PARD3: variants seen among roughly 807,000 people sequenced by gnomAD.
PARD3 encodes partitioning defective 3 homolog.
PARD3 carries 75 observed loss-of-function variants against 155.4 expected under a neutral mutation model. That is an observed-to-expected ratio of 0.48 (90% CI 0.40 to 0.58). The LOEUF (loss-of-function observed/expected upper bound fraction) is 0.58, where lower values mean the gene tolerates loss of function less well. Among genes scored for constraint, PARD3 ranks in the 20% least tolerant of loss-of-function variants. The pLI is 0.00. For synonymous variants in PARD3, 576 were observed against 610.5 expected, an observed-to-expected ratio of 0.94 and a Z score of 0.83; for missense variants, 1,642 against 1,721.7, an observed-to-expected ratio of 0.95 and a Z score of 0.82.
At chr10:34,515,826 T>C (rs537482899) in intron 3 of PARD3, among the ~76,000 whole-genome samples, 2 of 152,114 alleles carry the variant, frequency 1.3e-5, no homozygotes, top group East Asian at 3.9e-4. Flanking sequence ...TAATTATATA[T>C]ATATTTTATT....
chr10:34,375,475 T>C (rs1220907403), intron 10 of PARD3, among the ~76,000 whole-genome samples: 1 of 152,146 alleles, frequency 6.6e-6, no homozygotes, highest in Non-Finnish European at 1.5e-5. Flanking sequence ...GAAATTTTAC[T>C]GATAAATATA....
intron 2 of PARD3, among the ~76,000 whole-genome samples, chr10:34,593,402 T>C (rs1053135853): frequency 3.9e-5 from 6 of 152,200 alleles, no homozygotes; most frequent in African/African-American, 1.4e-4. Flanking sequence ...ATAAGTTCCA[T>C]GACAGACACA....
At chr10:34,797,424 T>C (rs1318770837) in intron 1 of PARD3, among the ~76,000 whole-genome samples, 1 of 152,136 alleles carries the variant, frequency 6.6e-6, no homozygotes, top group Non-Finnish European at 1.5e-5. Flanking sequence ...CGTGCTGGAA[T>C]TACAGGCGTG....
At chr10:34,630,982 C>T (rs12245844) in intron 2 of PARD3, among the ~76,000 whole-genome samples, 20,446 of 151,824 alleles carry the variant, frequency 0.13, 4,422 homozygotes, top group African/African-American at 0.46. Flanking sequence ...GCCTGGATAA[C>T]TGTTTAATTT....
At chr10:34,609,181 T>C (rs2090695647) in intron 2 of PARD3, among the ~76,000 whole-genome samples, 1 of 152,198 alleles carries the variant, frequency 6.6e-6, no homozygotes, top group Non-Finnish European at 1.5e-5. Context: ...AACTAACAAT[T>C]CTATTTAAAA....
chr10:34,719,003 G>A (rs1027181053), intron 1 of PARD3, among the ~76,000 whole-genome samples: 21 of 152,244 alleles, frequency 1.4e-4, no homozygotes, highest in African/African-American at 4.8e-4. Context: ...AATGCATGGT[G>A]TATTGGAACA....
chr10:34,728,926 G>T (rs747718488), intron 1 of PARD3, among the ~76,000 whole-genome samples: 11 of 152,064 alleles, frequency 7.2e-5, no homozygotes, highest in South Asian at 6.2e-4. Flanking sequence ...TTGTAATACC[G>T]TATTTCTACT....
At chr10:34,227,235 C>T (rs1952645166) in intron 22 of PARD3, among the ~76,000 whole-genome samples, 1 of 152,206 alleles carries the variant, frequency 6.6e-6, no homozygotes, top group South Asian at 2.1e-4. Flanking sequence ...AGAAAACATA[C>T]ATGTGGCCAA....
intron 22 of PARD3, among the ~76,000 whole-genome samples, chr10:34,158,957 T>C (rs1949144008): frequency 6.6e-6 from 1 of 152,240 alleles, no homozygotes; most frequent in Non-Finnish European, 1.5e-5. Flanking sequence ...GCTGCCCATA[T>C]CTTTCCATCA....
intron 4 of PARD3, among the ~76,000 whole-genome samples, chr10:34,455,509 T>C (rs1218387613): frequency 6.6e-6 from 1 of 152,004 alleles, no homozygotes; most frequent in Non-Finnish European, 1.5e-5. Context: ...ATGATTTTTT[T>C]TGAGACAGTC....
intron 2 of PARD3, among the ~76,000 whole-genome samples, chr10:34,674,478 ATT>A (rs11402018): frequency 0.23 from 18,188 of 78,518 alleles, 1,035 homozygotes; most frequent in South Asian, 0.33. Flanking sequence ...CACGCTCTTG[ATT>A]TTTTTTTTTT....
chr10:34,586,357 T>G (rs1012794443), intron 2 of PARD3, among the ~76,000 whole-genome samples: 20 of 152,262 alleles, frequency 1.3e-4, no homozygotes, highest in Non-Finnish European at 2.6e-4. Context: ...CATCATACCT[T>G]GTAACTGAAA....
chr10:34,461,866 T>A (rs1198783680), intron 4 of PARD3, among the ~76,000 whole-genome samples: 4 of 152,170 alleles, frequency 2.6e-5, no homozygotes, highest in African/African-American at 9.7e-5. Flanking sequence ...ACTCTAAAAA[T>A]ATCGCATCCA....
At chr10:34,160,538 C>A (rs138016380) in intron 22 of PARD3, among the ~76,000 whole-genome samples, 2,425 of 152,308 alleles carry the variant, frequency 0.016, 33 homozygotes, top group Middle Eastern at 0.024. Flanking sequence ...GAAATTAGAT[C>A]TAACACAGTG....
intron 20 of PARD3, among the ~76,000 whole-genome samples, chr10:34,291,180 GA>G (rs1030363410): frequency 3.3e-5 from 5 of 151,796 alleles, no homozygotes; most frequent in East Asian, 3.9e-4. Context: ...TTATTCAAAG[GA>G]AAAAAAATCT....
intron 2 of PARD3, among the ~76,000 whole-genome samples, chr10:34,542,759 A>G (rs548627287): frequency 6.6e-6 from 1 of 152,348 alleles, no homozygotes; most frequent in South Asian, 2.1e-4. Flanking sequence ...GTAAAACTAA[A>G]AAAAAGCATA....
chr10:34,345,689 G>C (rs2134348949), intron 15 of PARD3: 1 of 985,378 alleles, frequency 1.0e-6, no homozygotes, highest in Non-Finnish European at 1.2e-6. Context: ...TCCGAATTTT[G>C]GTTCAGAAAC....
intron 14 of PARD3, among the ~76,000 whole-genome samples, chr10:34,358,459 G>GA (rs1166616843): frequency 2.6e-5 from 4 of 152,130 alleles, no homozygotes; most frequent in African/African-American, 7.2e-5. Flanking sequence ...TAGAGAAAGA[G>GA]AAAATGGGGA....
At chr10:34,238,126 T>C (rs1209407322) in intron 22 of PARD3, among the ~76,000 whole-genome samples, 1 of 152,192 alleles carries the variant, frequency 6.6e-6, no homozygotes, top group Non-Finnish European at 1.5e-5. Context: ...TTCAGATGTT[T>C]CCCAAAGATG....
Sources: gnomAD v4.1 joint callset for allele counts (sites outside exome capture counted in the v4.1 genomes callset) on GRCh38, gnomAD v4.1.1 for gene constraint, MANE v1.5 for transcripts, NCBI Gene and HGNC (gene_info 2026-07-23, HGNC 2026-07-21) for gene names.